The following CPQ variants were observed in gnomAD, a reference collection of about 807,000 sequenced individuals.
The protein encoded by CPQ is carboxypeptidase Q.
In CPQ, 37 loss-of-function variants were observed where a neutral mutation model predicts 45.7. The observed-to-expected ratio is 0.81, with a 90% confidence interval of 0.62 to 1.07. CPQ has a LOEUF of 1.07. CPQ is among the 50% of genes least tolerant of loss of function. CPQ has a pLI of 0.00. For synonymous variants in CPQ, 186 were observed against 205.8 expected (o/e 0.90, Z 0.82); for missense variants, 537 against 572.9 (o/e 0.94, Z 0.64).
At chr8:96,781,483 G>A (rs1224214689) in intron 1 of CPQ, among the ~76,000 whole-genome samples, 2 of 152,114 alleles carry the variant, frequency 1.3e-5, no homozygotes, top group African/African-American at 4.8e-5. Flanking sequence ...GTCCATTCAC[G>A]AGGGCAAATC....
intron 4 of CPQ, among the ~76,000 whole-genome samples, chr8:96,955,092 T>A (rs1262700872): frequency 6.6e-6 from 1 of 152,168 alleles, no homozygotes; most frequent in Admixed American, 6.5e-5. Context: ...GCATGATTTA[T>A]AATCTTTTGG....
At chr8:96,674,368 G>A (rs953769629) in intron 1 of CPQ, among the ~76,000 whole-genome samples, 1 of 152,088 alleles carries the variant, frequency 6.6e-6, no homozygotes, top group Non-Finnish European at 1.5e-5. Context: ...TCAAATTGAT[G>A]TGGCTGAATA....
At chr8:96,971,188 C>T (rs1813671742) in intron 5 of CPQ, among the ~76,000 whole-genome samples, 1 of 152,154 alleles carries the variant, frequency 6.6e-6, no homozygotes, top group Non-Finnish European at 1.5e-5. Context: ...GATTTGTTTT[C>T]ATTCTAGATT....
chr8:96,798,900 C>T (rs1482800191), intron 2 of CPQ, among the ~76,000 whole-genome samples: 2 of 152,056 alleles, frequency 1.3e-5, no homozygotes, highest in African/African-American at 4.8e-5. Context: ...TTTCCATCTC[C>T]TGTAGCACTA....
intron 7 of CPQ, among the ~76,000 whole-genome samples, chr8:97,131,943 C>T (rs1049265553): frequency 6.6e-6 from 1 of 152,172 alleles, no homozygotes; most frequent in African/African-American, 2.4e-5. Flanking sequence ...GTTTCCCATT[C>T]ACAGCAAAAC....
intron 5 of CPQ, among the ~76,000 whole-genome samples, chr8:96,981,909 TG>T (rs1272627939): frequency 6.6e-6 from 1 of 152,220 alleles, no homozygotes; most frequent in African/African-American, 2.4e-5. Context: ...GGCAGGTCAT[TG>T]GGCCTGTCTG....
At position 97,121,925 on chromosome 8, in the gene CPQ, C is replaced by T. The variant is rs961234210; in HGVS notation, c.1256-21095C>T. Among the ~76,000 whole-genome samples the T allele has an allele frequency of 3.3e-5, 5 of 151,924 alleles. No homozygotes were observed. In the South Asian group the frequency reaches 8.4e-4, roughly 25 times the overall value. On this transcript the variant is annotated intron_variant, in intron 7 of 7. Transcript: ENST00000220763. ...CTGCCAAATAAAAGATACATGAACT[C>T]GAAAAGATAGTGATAGAAGCAATTC... is the stretch of plus-strand genomic sequence containing the variant.
intron 4 of CPQ, among the ~76,000 whole-genome samples, chr8:96,924,126 G>A (rs1158798961): frequency 1.3e-5 from 2 of 152,184 alleles, no homozygotes; most frequent in Admixed American, 6.5e-5. Context: ...CACCTAGGCT[G>A]CAGGTGAACT....
At chr8:96,780,710 C>CTTT (rs769993744) in intron 1 of CPQ, among the ~76,000 whole-genome samples, 1 of 134,866 alleles carries the variant, frequency 7.4e-6, no homozygotes, top group Admixed American at 7.5e-5. Flanking sequence ...TTTTTCTTTA[C>CTTT]TTTTTTTTTT....
intron 5 of CPQ, among the ~76,000 whole-genome samples, chr8:96,989,251 A>G (rs1377761895): frequency 6.6e-6 from 1 of 152,150 alleles, no homozygotes; most frequent in Non-Finnish European, 1.5e-5. Flanking sequence ...ATGATTCTAC[A>G]GCCAGAAATA....
At chr8:96,957,294 A>C (rs537293263) in intron 4 of CPQ, among the ~76,000 whole-genome samples, 1 of 152,256 alleles carries the variant, frequency 6.6e-6, no homozygotes, top group African/African-American at 2.4e-5. Context: ...TTTAAACTGC[A>C]CAGACTATCA....
intron 1 of CPQ, among the ~76,000 whole-genome samples, chr8:96,750,158 C>T (rs1270572657): frequency 4.6e-5 from 7 of 151,566 alleles, no homozygotes; most frequent in African/African-American, 1.5e-4. Context: ...TATACACACA[C>T]ATATGCTACA....
chr8:96,721,793 G>T (rs112052332), intron 1 of CPQ, among the ~76,000 whole-genome samples: 4 of 151,958 alleles, frequency 2.6e-5, no homozygotes, highest in African/African-American at 9.7e-5. Flanking sequence ...TTTCACTCTC[G>T]ACCTTGAACC....
At chr8:97,130,442 T>TCCC (rs1360570488) in intron 7 of CPQ, among the ~76,000 whole-genome samples, 12 of 131,936 alleles carry the variant, frequency 9.1e-5, no homozygotes, top group Non-Finnish European at 1.6e-4. Flanking sequence ...TTTTTTTTTT[T>TCCC]CCACAAAAAT....
chr8:96,777,479 A>G (rs1810619718), intron 1 of CPQ, among the ~76,000 whole-genome samples: 3 of 151,972 alleles, frequency 2.0e-5, no homozygotes, highest in African/African-American at 7.3e-5. Context: ...TCTCCTTAGC[A>G]CAGAGAATTC....
chr8:96,847,909 T>C (rs201309280), intron 3 of CPQ, among the ~76,000 whole-genome samples: 3,295 of 149,362 alleles, frequency 0.022, 31 homozygotes, highest in African/African-American at 0.028. Flanking sequence ...TTTTTTTTTT[T>C]TTTTGCAAGA....
At chr8:96,691,522 A>G (rs980463937) in intron 1 of CPQ, among the ~76,000 whole-genome samples, 2 of 151,406 alleles carry the variant, frequency 1.3e-5, no homozygotes, top group Non-Finnish European at 3.0e-5. Flanking sequence ...CATACATTTA[A>G]CAGTTATATA....
At chr8:96,672,437 A>G (rs1356413984) in intron 1 of CPQ, among the ~76,000 whole-genome samples, 1 of 152,174 alleles carries the variant, frequency 6.6e-6, no homozygotes, top group Non-Finnish European at 1.5e-5. Flanking sequence ...CCAAATGGAT[A>G]AATTAATTTT....
intron 5 of CPQ, among the ~76,000 whole-genome samples, chr8:97,009,726 C>G (rs1809448112): frequency 6.6e-6 from 1 of 152,122 alleles, no homozygotes; most frequent in Non-Finnish European, 1.5e-5. Context: ...AATTTGTATT[C>G]TGTCAGACAG....
Sources: gnomAD v4.1 joint callset for allele counts (sites outside exome capture counted in the v4.1 genomes callset) on GRCh38, gnomAD v4.1.1 for gene constraint, MANE v1.5 for transcripts, NCBI Gene and HGNC (gene_info 2026-07-23, HGNC 2026-07-21) for gene names.